The following IMMP2L variants were observed in gnomAD, a reference collection of about 807,000 sequenced individuals.
The protein encoded by IMMP2L is inner mitochondrial membrane peptidase subunit 2.
IMMP2L carries 18 observed loss-of-function variants against 19.3 expected under a neutral mutation model. That is an observed-to-expected ratio of 0.93 (90% CI 0.64 to 1.38). IMMP2L has a LOEUF of 1.38. IMMP2L is among the 40% of genes most tolerant of loss of function. IMMP2L has a pLI of 0.00. For missense variants in IMMP2L, 233 were observed against 218.2 expected (o/e 1.07, Z -0.43); for synonymous variants, 76 against 73.0 (o/e 1.04, Z -0.21).
At chr7:111,155,945 G>A (rs1186411215) in intron 3 of IMMP2L, among the ~76,000 whole-genome samples, 2 of 151,976 alleles carry the variant, frequency 1.3e-5, no homozygotes, top group Non-Finnish European at 2.9e-5. Context: ...GGAACTCATA[G>A]AGATGAAAAT....
At chr7:111,345,914 A>G (rs1364700148) in intron 3 of IMMP2L, among the ~76,000 whole-genome samples, 1 of 152,204 alleles carries the variant, frequency 6.6e-6, no homozygotes, top group Non-Finnish European at 1.5e-5. Flanking sequence ...AACTGAATTC[A>G]TCTTCCACAT....
At chr7:110,766,762 G>T (rs1798694540) in intron 5 of IMMP2L, among the ~76,000 whole-genome samples, 2 of 151,964 alleles carry the variant, frequency 1.3e-5, no homozygotes, top group Non-Finnish European at 2.9e-5. Flanking sequence ...ATTTCATTAA[G>T]AGAAAATGCT....
intron 3 of IMMP2L, among the ~76,000 whole-genome samples, chr7:111,226,452 G>A (rs187296339): frequency 3.9e-5 from 6 of 152,150 alleles, no homozygotes; most frequent in Middle Eastern, 6.8e-3. Flanking sequence ...ACAGATGTGA[G>A]CCACCATGCC....
rs112916143 is a variant in IMMP2L at position 111,252,891 on chromosome 7, C to T, written c.239+234347G>A. Among the ~76,000 whole-genome samples, 534 of 152,188 alleles carry T rather than the reference C, an allele frequency of 3.5e-3. 3 individuals are homozygous for T. The highest frequency in any genetic ancestry group is 0.012 in the African/African-American group (506 of 41,538). On this transcript the variant is annotated intron_variant, in intron 3 of 5. Coordinates refer to ENST00000405709, the MANE Select transcript of IMMP2L (RefSeq NM_032549.4). ...AAAAGTTACATGGTTCCAAAACTGA[C>T]AATGTCATTTATAAGAGTAATGTAA...
intron 3 of IMMP2L, among the ~76,000 whole-genome samples, chr7:111,080,531 CAT>C (rs1795804579): frequency 2.0e-5 from 3 of 151,170 alleles, no homozygotes; most frequent in African/African-American, 4.9e-5. Context: ...ATATATATTA[CAT>C]ATGTGTGTAT....
intron 5 of IMMP2L, among the ~76,000 whole-genome samples, chr7:110,751,157 C>T (rs554878675): frequency 2.5e-4 from 38 of 150,372 alleles, no homozygotes; most frequent in Admixed American, 2.5e-3. Flanking sequence ...TCGTCCCTCA[C>T]TAAGAGACTT....
chr7:111,273,524 T>C (rs570207511), intron 3 of IMMP2L, among the ~76,000 whole-genome samples: 2 of 152,068 alleles, frequency 1.3e-5, no homozygotes, highest in Non-Finnish European at 2.9e-5. Context: ...GAACAACAGT[T>C]ATCCTGCCAT....
intron 1 of IMMP2L, among the ~76,000 whole-genome samples, chr7:111,558,261 A>G (rs1454178276): frequency 6.6e-6 from 1 of 151,894 alleles, no homozygotes; most frequent in Non-Finnish European, 1.5e-5. Flanking sequence ...ATTCTGCATG[A>G]CCCCTTCTGA....
chr7:111,442,274 A>G (rs1837820690), intron 3 of IMMP2L, among the ~76,000 whole-genome samples: 1 of 151,884 alleles, frequency 6.6e-6, no homozygotes, highest in Non-Finnish European at 1.5e-5. Context: ...TCAATCTCAC[A>G]ATAGTCTCAG....
intron 4 of IMMP2L, among the ~76,000 whole-genome samples, chr7:110,896,164 G>A (rs142117528): frequency 5.3e-5 from 8 of 152,036 alleles, no homozygotes; most frequent in African/African-American, 1.2e-4. Flanking sequence ...TTACTTTTGC[G>A]CCAACCTAGT....
intron 3 of IMMP2L, among the ~76,000 whole-genome samples, chr7:111,328,130 G>A (rs1257560224): frequency 6.6e-6 from 1 of 151,596 alleles, no homozygotes; most frequent in Admixed American, 6.6e-5. Flanking sequence ...GAACTTGTAC[G>A]ATTTTTGAAA....
At chr7:110,697,809 A>C (rs746084558) in intron 5 of IMMP2L, among the ~76,000 whole-genome samples, 34 of 152,210 alleles carry the variant, frequency 2.2e-4, no homozygotes, top group Non-Finnish European at 1.2e-4. Context: ...AATAAAAATA[A>C]AAAAATAATT....
At chr7:111,170,540 A>C (rs756283901) in intron 3 of IMMP2L, among the ~76,000 whole-genome samples, 1 of 151,850 alleles carries the variant, frequency 6.6e-6, no homozygotes. Context: ...AGTCATTTCC[A>C]GAAGAAATTG....
chr7:110,790,699 A>G (rs1165949029), intron 5 of IMMP2L, among the ~76,000 whole-genome samples: 1 of 151,654 alleles, frequency 6.6e-6, no homozygotes, highest in Non-Finnish European at 1.5e-5. Flanking sequence ...TTTACTTTAA[A>G]CAAGGGTCCT....
chr7:110,871,377 A>T (rs1269061806), intron 5 of IMMP2L, among the ~76,000 whole-genome samples: 2 of 152,134 alleles, frequency 1.3e-5, no homozygotes, highest in Non-Finnish European at 2.9e-5. Context: ...GATCAAGCTC[A>T]GGGGCATGCC....
chr7:111,343,251 T>A (rs1827202706), intron 3 of IMMP2L, among the ~76,000 whole-genome samples: 1 of 152,064 alleles, frequency 6.6e-6, no homozygotes, highest in Admixed American at 6.6e-5. Context: ...TACCACAACA[T>A]TATATCTAAG....
intron 5 of IMMP2L, among the ~76,000 whole-genome samples, chr7:110,883,881 G>A (rs922398337): frequency 1.7e-4 from 26 of 151,148 alleles, no homozygotes; most frequent in African/African-American, 6.2e-4. Flanking sequence ...AAACTTCAAA[G>A]TGGAAAGTGT....
chr7:111,225,857 G>C (rs188197570), intron 3 of IMMP2L, among the ~76,000 whole-genome samples: 2 of 152,072 alleles, frequency 1.3e-5, no homozygotes, highest in Non-Finnish European at 2.9e-5. Flanking sequence ...GATAAGACTT[G>C]TTAAGTGTTC....
intron 5 of IMMP2L, among the ~76,000 whole-genome samples, chr7:110,705,442 TCC>T (rs1794593752): frequency 6.6e-6 from 1 of 152,154 alleles, no homozygotes; most frequent in South Asian, 2.1e-4. Context: ...AAGAGGTAGT[TCC>T]CCAGGTAATG....
Sources: gnomAD v4.1 joint callset for allele counts (sites outside exome capture counted in the v4.1 genomes callset) on GRCh38, gnomAD v4.1.1 for gene constraint, MANE v1.5 for transcripts, NCBI Gene and HGNC (gene_info 2026-07-23, HGNC 2026-07-21) for gene names.